The following PINX1 variants were observed in gnomAD, a reference collection of about 807,000 sequenced individuals.
PINX1 encodes the protein PIN2 (TERF1) interacting telomerase inhibitor 1.
A neutral mutation model predicts 25.4 loss-of-function variants in PINX1; 34 were observed. That is an observed-to-expected ratio of 1.34 (90% CI 1.02 to 1.78). The LOEUF (loss-of-function observed/expected upper bound fraction) is 1.78. Among genes scored for constraint, PINX1 ranks in the 40% most tolerant of loss-of-function variants. The probability of loss-of-function intolerance (pLI) is 0.00; values close to 1 mark genes in which losing one functional copy is unlikely to be tolerated. For synonymous variants in PINX1, 197 were observed against 147.7 expected, an observed-to-expected ratio of 1.33 and a Z score of -2.42; for missense variants, 592 against 404.9, an observed-to-expected ratio of 1.46 and a Z score of -3.97.
intron 6 of PINX1, among the ~76,000 whole-genome samples, chr8:10,775,432 T>G (rs1404788540): frequency 2.0e-4 from 29 of 148,214 alleles, no homozygotes; most frequent in East Asian, 1.8e-3. Context: ...TTTTTTTTTT[T>G]TTTTTTTTGC....
chr8:10,823,143 A>G (rs1797926913), intron 5 of PINX1, among the ~76,000 whole-genome samples: 1 of 152,192 alleles, frequency 6.6e-6, no homozygotes, highest in South Asian at 2.1e-4. Context: ...AGGAGATTGA[A>G]TGCTCCTCAC....
intron 6 of PINX1, among the ~76,000 whole-genome samples, chr8:10,770,700 G>A (rs142663027): frequency 2.6e-5 from 4 of 152,286 alleles, no homozygotes; most frequent in African/African-American, 9.6e-5. Flanking sequence ...AGGAAATGAA[G>A]CAGTTTGCAC....
At chr8:10,799,449 G>A (rs939936434) in intron 6 of PINX1, among the ~76,000 whole-genome samples, 1 of 152,126 alleles carries the variant, frequency 6.6e-6, no homozygotes, top group African/African-American at 2.4e-5. Context: ...TCTTCTGCCT[G>A]GCTCTGCCAT....
intron 1 of PINX1, among the ~76,000 whole-genome samples, chr8:10,835,528 G>A (rs575412675): frequency 2.0e-5 from 3 of 152,324 alleles, no homozygotes; most frequent in African/African-American, 7.2e-5. Context: ...TCATTGAGAT[G>A]CCCTGAAGCC....
rs778846102 is a variant in PINX1 at position 10,827,901 on chromosome 8, A to G, written c.302-1657T>C. Among the ~76,000 whole-genome samples, 303 of 130,224 alleles carry G rather than the reference A, an allele frequency of 2.3e-3. 2 individuals are homozygous for G. Among genetic ancestry groups the G allele is most frequent in the Non-Finnish European group, 2.6e-3 (162 of 62,214 alleles). The allele number at this position is 130,224 out of a possible 152,430, so 85.4% of individuals were successfully genotyped here. ...ACTCCAGCCTGGGTGACAGAGCGAG[A>G]CTCCATCTCAAAAAAAAAAAAAAAA... On this transcript the variant is annotated intron_variant, in intron 4 of 6. Coordinates refer to ENST00000314787, the MANE Select transcript of PINX1 (RefSeq NM_017884.6).
chr8:10,790,204 G>T (rs1265395616), intron 6 of PINX1, among the ~76,000 whole-genome samples: 1 of 152,094 alleles, frequency 6.6e-6, no homozygotes, highest in Non-Finnish European at 1.5e-5. Context: ...GTCTGTAAGC[G>T]ATCTAACGGG....
chr8:10,805,679 G>A lies in PINX1; in HGVS notation c.471+14514C>T, dbSNP rs878912743. Among the ~76,000 whole-genome samples the A allele has an allele frequency of 2.1e-4, 17 of 79,106 alleles. 2 individuals carry two copies. Among genetic ancestry groups the A allele is most frequent in the East Asian group, 1.8e-3 (5 of 2,850 alleles). The allele number at this position is 79,106 out of a possible 152,430, so 51.9% of individuals were successfully genotyped here. A position where few individuals can be genotyped will look rare whatever the true frequency, so the allele number is the denominator to read the frequency against. On this transcript the variant is annotated intron_variant, in intron 6 of 6. Transcript: ENST00000314787. ...GAGTGGGTGACGGAGCACAGGAAGG[G>A]GCCACACTAGTGCTGAGTGGGTGAC... is the stretch of plus-strand genomic sequence containing the variant.
At chr8:10,814,419 G>C (rs1266915845) in intron 6 of PINX1, among the ~76,000 whole-genome samples, 1 of 152,180 alleles carries the variant, frequency 6.6e-6, no homozygotes, top group Non-Finnish European at 1.5e-5. Context: ...TCAGAGGAGA[G>C]TCCTTCAAGC....
Position 10,765,389 on chromosome 8 carries a change from G to A in PINX1, c.*12C>T. The stretch of plus-strand genomic sequence containing the variant: ...ACAGCTGAGTGGTCGGAAGGCCCCG[G>A]CTGGGAAGGATTCATTTGGAATCTT... On this transcript the variant is annotated 3_prime_UTR_variant, in exon 7 of 7. Coordinates refer to ENST00000314787, the MANE Select transcript of PINX1 (RefSeq NM_017884.6). The A allele has an allele frequency of 1.3e-6, 2 of 1,580,342 alleles. No individual in the cohort carries two copies. Among genetic ancestry groups the A allele is most frequent in the Non-Finnish European group, 1.7e-6 (2 of 1,167,786 alleles).
chr8:10,775,409 G>GGGTTTTTTTTT (rs1563203179), intron 6 of PINX1, among the ~76,000 whole-genome samples: 2 of 48,908 alleles, frequency 4.1e-5, no homozygotes, highest in South Asian at 6.9e-4. Context: ...TCTGTTTTGT[G>GGGTTTTTTTTT]GTTTTTTTTT....
chr8:10,798,070 G>A (rs1802145973), intron 6 of PINX1, among the ~76,000 whole-genome samples: 1 of 152,210 alleles, frequency 6.6e-6, no homozygotes, highest in Non-Finnish European at 1.5e-5. Context: ...GGAATAGACG[G>A]GGAGACAGAT....
chr8:10,769,328 C>T (rs148168511), intron 6 of PINX1, among the ~76,000 whole-genome samples: 1 of 152,326 alleles, frequency 6.6e-6, no homozygotes, highest in African/African-American at 2.4e-5. Context: ...CAGCAAGCCT[C>T]ACAGTCCTCT....
At position 10,820,071 on chromosome 8, in the gene PINX1, C is replaced by T. The variant is rs1399621570; in HGVS notation, c.471+122G>A. ...GATCATATCTAGGCTGTGCATGAAG[C>T]CTCCAAAGTGTTTTGGAAAGTTTGT... On this transcript the variant is annotated intron_variant, in intron 6 of 6. Coordinates refer to ENST00000314787, the MANE Select transcript of PINX1 (RefSeq NM_017884.6). 5.8e-6 allele frequency: 4 copies of T among 693,356 alleles called. No homozygotes were observed. The South Asian group carries it at 6.3e-5, about 11-fold the overall frequency. 43.0% of individuals were successfully genotyped at this position (693,356 alleles called of 1,614,324 possible). A position where few individuals can be genotyped will look rare whatever the true frequency, so the allele number is the denominator to read the frequency against.
chr8:10,765,662 C>A lies in PINX1; in HGVS notation c.726G>T (p.Arg242Ser). The A allele has an allele frequency of 1.2e-6, 2 of 1,614,002 alleles. No individual in the cohort carries two copies. The highest frequency in any genetic ancestry group is 1.7e-6 in the Non-Finnish European group (2 of 1,179,900). The change falls in exon 7 of 7, where the codon AGG becomes AGT. Residue 242 changes from arginine (R) to serine (S), a missense_variant. Physicochemically the swap from Arg to Ser is moderately radical, Grantham distance 110. Transcript: ENST00000314787. ...TGGCCACTCGCTCCTGGGCCTCGGCCCTCTCGGGCTTTCCCTCCGTGTGCC... is the reference window on the plus strand; with the variant it reads ...TGGCCACTCGCTCCTGGGCCTCGGCACTCTCGGGCTTTCCCTCCGTGTGCC... ...AKRHTEGKPERAEAQERVAKK... is the reference protein window; with the variant it reads ...AKRHTEGKPESAEAQERVAKK...
At chr8:10,815,965 C>T (rs1334404195) in intron 6 of PINX1, among the ~76,000 whole-genome samples, 3 of 152,162 alleles carry the variant, frequency 2.0e-5, no homozygotes, top group Non-Finnish European at 2.9e-5. Flanking sequence ...TCTGAGCAGC[C>T]TCAGCATCAA....
At chr8:10,794,249 C>T (rs1490918744) in intron 6 of PINX1, among the ~76,000 whole-genome samples, 2 of 152,102 alleles carry the variant, frequency 1.3e-5, no homozygotes, top group Non-Finnish European at 1.5e-5. Context: ...TTTTAAATTA[C>T]AATTTTTTAA....
intron 6 of PINX1, among the ~76,000 whole-genome samples, chr8:10,793,620 C>G (rs1801993126): frequency 6.6e-6 from 1 of 151,848 alleles, no homozygotes; most frequent in South Asian, 2.1e-4. Flanking sequence ...GGAATTAATG[C>G]TAAAGAAAGG....
intron 6 of PINX1, among the ~76,000 whole-genome samples, chr8:10,789,607 G>A (rs1241114069): frequency 1.3e-5 from 2 of 152,202 alleles, no homozygotes; most frequent in South Asian, 2.1e-4. Flanking sequence ...AGCATTTTAG[G>A]AATGTCCTCA....
At chr8:10,808,859 C>A (rs1214727753) in intron 6 of PINX1, among the ~76,000 whole-genome samples, 1 of 152,008 alleles carries the variant, frequency 6.6e-6, no homozygotes, top group Non-Finnish European at 1.5e-5. Context: ...ATCAACAACA[C>A]AAAAACACAG....
Sources: gnomAD v4.1 joint callset for allele counts (sites outside exome capture counted in the v4.1 genomes callset) on GRCh38, gnomAD v4.1.1 for gene constraint, MANE v1.5 for transcripts, NCBI Gene and HGNC (gene_info 2026-07-23, HGNC 2026-07-21) for gene names.